Variants in TOPAZ1 observed in about 807,000 individuals in gnomAD.
TOPAZ1 encodes the protein protein TOPAZ1.
TOPAZ1 carries 66 observed loss-of-function variants against 172.2 expected under a neutral mutation model. That is an observed-to-expected ratio of 0.38 (90% CI 0.31 to 0.47). The LOEUF (loss-of-function observed/expected upper bound fraction) is 0.47, where lower values mean the gene tolerates loss of function less well. TOPAZ1 is among the 20% of genes least tolerant of loss of function. The pLI is 0.99. For missense variants in TOPAZ1, 1,822 were observed against 1,972.4 expected (o/e 0.92, Z 1.44); for synonymous variants, 681 against 683.9 (o/e 1.00, Z 0.07).
chr3:44,305,808 C>T (rs1700330743), intron 14 of TOPAZ1, among the ~76,000 whole-genome samples: 1 of 152,062 alleles, frequency 6.6e-6, no homozygotes, highest in African/African-American at 2.4e-5. Context: ...TGAATTTTTC[C>T]ATCTATTTAT....
chr3:44,254,263 C>CA (rs1177352006), intron 2 of TOPAZ1, among the ~76,000 whole-genome samples: 1 of 151,612 alleles, frequency 6.6e-6, no homozygotes. Flanking sequence ...TAGGGACTAC[C>CA]AAAAAAAATT....
intron 15 of TOPAZ1, 145 bp from the exon 16 acceptor site, chr3:44,309,680 T>G: frequency 3.2e-6 from 2 of 627,692 alleles, no homozygotes. Flanking sequence ...GGAAGGGGCT[T>G]AAGGAAAGAG....
chr3:44,328,376 C>A lies in TOPAZ1; in HGVS notation c.4802C>A (p.Ala1601Asp). The A allele has an allele frequency of 6.6e-7, 1 of 1,523,552 alleles. No homozygotes were observed. The highest frequency in any genetic ancestry group is 8.8e-7 in the Non-Finnish European group (1 of 1,137,246). 94.4% of individuals were successfully genotyped at this position (1,523,552 alleles called of 1,614,324 possible). A position where few individuals can be genotyped will look rare whatever the true frequency, so the allele number is the denominator to read the frequency against. Residue 1601 changes from alanine to aspartate, a missense_variant, in exon 19 of 20, where the codon GCT becomes GAT. Around this residue, in one of 2 missense-constraint regions of TOPAZ1, gnomAD observed 333 missense variants for 481.7 expected, o/e 0.69. Coordinates refer to ENST00000309765, the MANE Select transcript of TOPAZ1 (RefSeq NM_001145030.2). ...ATTGAAATCTTCATGGTATCTAATGCTAGTAGTATTCAGAGTCCTGGAACT... is the reference window on the plus strand; with the variant it reads ...ATTGAAATCTTCATGGTATCTAATGATAGTAGTATTCAGAGTCCTGGAACT... ...LAIEIFMVSN[A>D]SSIQSPGTST... is the part of the protein sequence containing the mutation.
intron 16 of TOPAZ1, among the ~76,000 whole-genome samples, chr3:44,314,644 G>T (rs557809203): frequency 2.2e-4 from 34 of 151,970 alleles, no homozygotes; most frequent in Non-Finnish European, 4.1e-4. Context: ...TACACAAACA[G>T]ATCCAAACCT....
intron 12 of TOPAZ1, among the ~76,000 whole-genome samples, chr3:44,294,329 T>C (rs1351024586): frequency 1.3e-5 from 2 of 152,088 alleles, no homozygotes; most frequent in African/African-American, 4.8e-5. Context: ...TATTTGATGA[T>C]GGAGAGAGTT....
intron 17 of TOPAZ1, among the ~76,000 whole-genome samples, chr3:44,322,351 G>C (rs888445701): frequency 4.6e-5 from 7 of 152,132 alleles, no homozygotes; most frequent in Admixed American, 3.9e-4. Flanking sequence ...TTTTAGTCAA[G>C]GGATATATAA....
Position 44,241,920 on chromosome 3 carries a change from C to T in TOPAZ1, c.-134C>T. On this transcript the variant is annotated 5_prime_UTR_variant, in exon 1 of 20. Transcript: ENST00000309765. ...TACGCGCCCCACTTCCGCTTCCGGCCCCGGGCTGTGGTGACTGGCGGTGTG... is the reference window on the plus strand; with the variant it reads ...TACGCGCCCCACTTCCGCTTCCGGCTCCGGGCTGTGGTGACTGGCGGTGTG... The T allele has an allele frequency of 2.3e-6, 2 of 871,012 alleles. No individual in the cohort carries two copies. The highest frequency in any genetic ancestry group is 2.9e-5 in the East Asian group (1 of 34,272). The allele number at this position is 871,012 out of a possible 1,614,324, so 54.0% of individuals were successfully genotyped here. A position where few individuals can be genotyped will look rare whatever the true frequency, so the allele number is the denominator to read the frequency against.
chr3:44,257,355 GTGTGTGTGTGTGTGTGTGTGT>G (rs1699720267), intron 4 of TOPAZ1, among the ~76,000 whole-genome samples: 2 of 29,608 alleles, frequency 6.8e-5, no homozygotes, highest in Admixed American at 3.8e-4. Context: ...ACATAGGGGT[GTGTGTGTGTGTGTGTGTGTGT>G]GTGTGTGTGT....
intron 16 of TOPAZ1, among the ~76,000 whole-genome samples, chr3:44,310,911 G>T (rs1700390749): frequency 6.6e-6 from 1 of 152,164 alleles, no homozygotes; most frequent in South Asian, 2.1e-4. Context: ...GGTTAGTTTG[G>T]TATGAGAAAA....
intron 4 of TOPAZ1, among the ~76,000 whole-genome samples, chr3:44,257,355 GTGTGTGTGTGTGT>G (rs767844915): frequency 0.23 from 6,826 of 29,604 alleles, 269 homozygotes; most frequent in South Asian, 0.45. Flanking sequence ...ACATAGGGGT[GTGTGTGTGTGTGT>G]GTGTGTGTGT....
chr3:44,258,772 T>C (rs1346074448), intron 4 of TOPAZ1, among the ~76,000 whole-genome samples: 1 of 152,230 alleles, frequency 6.6e-6, no homozygotes, highest in Non-Finnish European at 1.5e-5. Flanking sequence ...AGCTGCTATC[T>C]ATAAACGTTC....
chr3:44,313,455 T>C (rs1207468777), intron 16 of TOPAZ1, among the ~76,000 whole-genome samples: 9 of 142,964 alleles, frequency 6.3e-5, no homozygotes, highest in African/African-American at 2.3e-4. Flanking sequence ...ACTAAAAATA[T>C]AAAAAAAAAA....
intron 5 of TOPAZ1, among the ~76,000 whole-genome samples, chr3:44,265,205 T>TTCAA (rs1559530464): frequency 6.6e-6 from 1 of 152,206 alleles, no homozygotes; most frequent in African/African-American, 2.4e-5. Flanking sequence ...TAATAAGTCT[T>TTCAA]GAAAGTCAAA....
At chr3:44,284,800 A>T (rs1394754174) in intron 9 of TOPAZ1, among the ~76,000 whole-genome samples, 4 of 152,242 alleles carry the variant, frequency 2.6e-5, no homozygotes, top group Non-Finnish European at 5.9e-5. Context: ...AGTAGAAAAA[A>T]GTCTTTTCTT....
chr3:44,246,386 T>C (rs367870916), intron 2 of TOPAZ1, among the ~76,000 whole-genome samples: 33 of 152,312 alleles, frequency 2.2e-4, no homozygotes, highest in South Asian at 1.5e-3. Context: ...GAAAACACTT[T>C]TCATTAAGAT....
At position 44,332,053 on chromosome 3, in the gene TOPAZ1, CATT is replaced by C. The variant is rs1292512389; in HGVS notation, c.*43_*45del. ...TTTTTTTTTTTTTAGTTCAAGTAAT[CATT>C]GTTGAAAATAAAAGGCAATAAAAAT... On this transcript the variant is annotated 3_prime_UTR_variant, in exon 20 of 20. Transcript: ENST00000309765. The C allele has an allele frequency of 3.0e-6, 4 of 1,330,880 alleles. No homozygotes were observed. The highest frequency in any genetic ancestry group is 2.8e-5 in the South Asian group (2 of 72,368). 82.4% of individuals were successfully genotyped at this position (1,330,880 alleles called of 1,614,324 possible).
At chr3:44,291,770 T>TATGTG (rs1700141049) in intron 12 of TOPAZ1, among the ~76,000 whole-genome samples, 2 of 152,006 alleles carry the variant, frequency 1.3e-5, no homozygotes, top group African/African-American at 4.8e-5. Context: ...AATCATAACT[T>TATGTG]TTTAAATGTA....
Position 44,247,712 on chromosome 3 carries a change from G to A in TOPAZ1, c.2765+2441G>A, listed in dbSNP as rs1003773620. Among the ~76,000 whole-genome samples, 6 of 152,134 alleles carry A rather than the reference G, an allele frequency of 3.9e-5. No homozygotes were observed. In the South Asian group the frequency reaches 6.2e-4, roughly 16 times the overall value. On this transcript the variant is annotated intron_variant, in intron 2 of 19. Transcript: ENST00000309765. ...GTCACCCAGGCTGGAGTGCAGTGGC[G>A]GATCTCGGCTCACTGCAACCTATGC...
At position 44,242,336 on chromosome 3, in the gene TOPAZ1, T is replaced by G; in HGVS notation, c.283T>G (p.Ser95Ala). Reference sequence around the variant, plus strand: ...GGGCCCGGTGAGCCCGTCAGACTCGTCAGACCCGCGAGGCCTAGAAGCAGC... The same window carrying G: ...GGGCCCGGTGAGCCCGTCAGACTCGGCAGACCCGCGAGGCCTAGAAGCAGC... ...RRGPVSPSDS[S>A]DPRGLEAAKE... The change falls in exon 1 of 20, where the codon TCA becomes GCA. Residue 95 changes from serine to alanine, a missense_variant. Ser to Ala is a moderately conservative substitution (Grantham distance 99). Transcript: ENST00000309765. 1 of 1,552,284 alleles carries G rather than the reference T, an allele frequency of 6.4e-7. No individual in the cohort carries two copies. The highest frequency in any genetic ancestry group is 8.7e-7 in the Non-Finnish European group (1 of 1,147,128).
Sources: gnomAD v4.1 joint callset for allele counts (sites outside exome capture counted in the v4.1 genomes callset) on GRCh38, gnomAD v4.1.1 for gene constraint, gnomAD v4.1.1 regional missense constraint, MANE v1.5 for transcripts, NCBI Gene and HGNC (gene_info 2026-07-23, HGNC 2026-07-21) for gene names.